OIT3: variants seen among roughly 807,000 people sequenced by gnomAD.
OIT3 encodes oncoprotein-induced transcript 3 protein.
OIT3 carries 41 observed loss-of-function variants against 52.2 expected under a neutral mutation model. The ratio of observed to expected loss-of-function variants is 0.79; its 90% CI spans 0.61 to 1.02. OIT3 has a LOEUF of 1.02. Among genes scored for constraint, OIT3 ranks in the 50% least tolerant of loss-of-function variants. The probability of loss-of-function intolerance (pLI) is 0.00; values close to 1 mark genes in which losing one functional copy is unlikely to be tolerated. For missense variants in OIT3, 634 were observed against 715.5 expected, an observed-to-expected ratio of 0.89 and a Z score of 1.30; for synonymous variants, 244 against 276.9, an observed-to-expected ratio of 0.88 and a Z score of 1.18.
At chr10:72,913,176 T>C (rs1348531782) in intron 5 of OIT3, 132 bp from the exon 6 acceptor site, 1 of 632,282 alleles carries the variant, frequency 1.6e-6, no homozygotes, top group Non-Finnish European at 2.7e-6. Context: ...CACCAACTTG[T>C]TTTCAGCCCC....
chr10:72,906,605 A>T lies in OIT3; in HGVS notation c.554A>T (p.Glu185Val). 6.2e-7 allele frequency: 1 copy of T among 1,613,976 alleles called. No homozygotes were observed. Among genetic ancestry groups the T allele is most frequent in the Middle Eastern group, 1.7e-4 (1 of 6,060 alleles). The part of the protein sequence containing the change: ...PDRQTCFDEN[E>V]CEQNNGGCSE... ...GGTTTCTCTTCTGCAGATGAAAATG[A>T]ATGTGAGCAAAACAACGGTGGCTGC... Residue 185 changes from glutamate to valine, a missense_variant, in exon 4 of 9, where the codon GAA (glutamate) becomes GTA (valine). Physicochemically the swap from Glu to Val is moderately radical, Grantham distance 121 (BLOSUM62 -2). Transcript: ENST00000334011.
chr10:72,910,909 A>G (rs979945997), intron 4 of OIT3, among the ~76,000 whole-genome samples: 2 of 152,192 alleles, frequency 1.3e-5, no homozygotes, highest in African/African-American at 2.4e-5. Flanking sequence ...ATAAAACTTT[A>G]TTTGTAATAA....
intron 3 of OIT3, among the ~76,000 whole-genome samples, chr10:72,905,711 G>A (rs577181450): frequency 2.4e-4 from 36 of 152,302 alleles, no homozygotes; most frequent in African/African-American, 8.2e-4. Context: ...TCCATTGCTT[G>A]TGAAGGCTTT....
Position 72,899,025 on chromosome 10 carries a change from C to T in OIT3, c.423C>T (p.His141=), listed in dbSNP as rs763337677. 20 of 1,607,744 alleles carry T rather than the reference C, an allele frequency of 1.2e-5. No individual in the cohort carries two copies. Among genetic ancestry groups the T allele is most frequent in the Admixed American group, 8.4e-5 (5 of 59,774 alleles). Residue 141 remains histidine (H), a synonymous_variant, in exon 2 of 9, where the codon CAC becomes CAT. Transcript: ENST00000334011. The part of the protein sequence containing the change: ...YRLTKPSVCF[H]VYCGHFYDIC... ...TGACCAAGCCCAGCGTCTGCTTCCA[C>T]GTCTACTGTGGTCGTGAGTACCTTC...
intron 1 of OIT3, among the ~76,000 whole-genome samples, chr10:72,895,584 G>T (rs1018150628): frequency 4.6e-5 from 7 of 152,220 alleles, no homozygotes; most frequent in Admixed American, 4.6e-4. Flanking sequence ...GAGCAGGAAA[G>T]GAGGGGCACT....
At position 72,899,000 on chromosome 10, in the gene OIT3, T is replaced by G. The variant is rs768944375; in HGVS notation, c.398T>G (p.Leu133Arg). ...ACPGGYYVYR[L>R]TKPSVCFHVY... ...CCTGGAGGCTACTATGTGTATCGTC[T>G]GACCAAGCCCAGCGTCTGCTTCCAC... Residue 133 changes from leucine to arginine, a missense_variant, in exon 2 of 9, where the codon CTG becomes CGG. Transcript: ENST00000334011. 1.9e-6 allele frequency: 3 copies of G among 1,613,036 alleles called. No homozygotes were observed. The East Asian group carries it at 6.7e-5, about 36-fold the overall frequency.
chr10:72,917,788 C>T, intron 6 of OIT3: 2 of 1,451,930 alleles, frequency 1.4e-6, no homozygotes. Context: ...TTAATGTCTT[C>T]TACAGAACTA....
At chr10:72,900,655 C>T (rs1208049350) in intron 3 of OIT3, among the ~76,000 whole-genome samples, 171 bp downstream of exon 3, 2 of 152,152 alleles carry the variant, frequency 1.3e-5, no homozygotes. Flanking sequence ...AAATTTGTAT[C>T]ATGATTAGGG....
chr10:72,912,983 ATTGTGT>A (rs1258854218), intron 5 of OIT3, among the ~76,000 whole-genome samples: 3 of 152,160 alleles, frequency 2.0e-5, no homozygotes, highest in African/African-American at 7.2e-5. Flanking sequence ...TTGCTAATAA[ATTGTGT>A]TTGTGCTGAA....
At chr10:72,922,473 C>T (rs1846130072) in intron 6 of OIT3, among the ~76,000 whole-genome samples, 2 of 151,962 alleles carry the variant, frequency 1.3e-5, no homozygotes, top group Admixed American at 6.6e-5. Flanking sequence ...ATCAATTCTG[C>T]TTTTAATACT....
chr10:72,924,884 G>A (rs1846155276), intron 7 of OIT3, among the ~76,000 whole-genome samples: 1 of 152,268 alleles, frequency 6.6e-6, no homozygotes, highest in African/African-American at 2.4e-5. Context: ...GCCAAGGCGG[G>A]TGGATCACCT....
chr10:72,903,315 T>A (rs999035808), intron 3 of OIT3, among the ~76,000 whole-genome samples: 38 of 152,106 alleles, frequency 2.5e-4, no homozygotes, highest in African/African-American at 8.9e-4. Context: ...AACCTCCACC[T>A]CCCAGGTTCA....
intron 5 of OIT3, among the ~76,000 whole-genome samples, 195 bp downstream of exon 5, chr10:72,912,034 A>C (rs1174392454): frequency 6.6e-6 from 1 of 152,086 alleles, no homozygotes; most frequent in Non-Finnish European, 1.5e-5. Context: ...ATTACCAAAA[A>C]CTTAACTTTC....
chr10:72,901,928 G>A (rs777536011), intron 3 of OIT3, among the ~76,000 whole-genome samples: 5 of 152,130 alleles, frequency 3.3e-5, no homozygotes, highest in African/African-American at 7.2e-5. Flanking sequence ...CAAAGTAGCT[G>A]TAGTCTCAGC....
At chr10:72,913,592 T>C in intron 6 of OIT3, 124 bp downstream of exon 6, 1 of 813,746 alleles carries the variant, frequency 1.2e-6, no homozygotes, top group Non-Finnish European at 2.1e-6. Flanking sequence ...AGAACTGAGC[T>C]CAAAACATCT....
chr10:72,898,120 C>CAAAA (rs59034984), intron 1 of OIT3, among the ~76,000 whole-genome samples: 1 of 132,594 alleles, frequency 7.5e-6, no homozygotes, highest in South Asian at 2.4e-4. Flanking sequence ...CTATCTCTAC[C>CAAAA]AAAAAAAAAA....
At position 72,897,289 on chromosome 10, in the gene OIT3, G is replaced by A. The variant is rs1205409246; in HGVS notation, c.62-1375G>A. On this transcript the variant is annotated intron_variant, in intron 1 of 8. Coordinates refer to ENST00000334011, the MANE Select transcript of OIT3 (RefSeq NM_152635.3). Reference sequence around the variant, plus strand: ...TCCACCCGCCTCGGCCCCCCAAAGTGCTGGGATTACAGGTGTGAGCCACTG... The same window carrying A: ...TCCACCCGCCTCGGCCCCCCAAAGTACTGGGATTACAGGTGTGAGCCACTG... 2.6e-5 allele frequency among the ~76,000 whole-genome samples: 4 copies of A among 152,300 alleles called. No individual in the cohort carries two copies. In the East Asian group the frequency reaches 7.7e-4, roughly 29 times the overall value.
intron 3 of OIT3, among the ~76,000 whole-genome samples, chr10:72,904,967 G>C (rs925187098): frequency 3.9e-5 from 6 of 152,204 alleles, no homozygotes; most frequent in Non-Finnish European, 8.8e-5. Flanking sequence ...GGAAGGTGAA[G>C]GGTGCTGGCA....
Position 72,895,897 on chromosome 10 carries a change from C to T in OIT3, c.61+2038C>T, listed in dbSNP as rs117772584. ...GGATGAATGTGCGCAATACCAGATT[C>T]TGGGCTTCACGCTGAGATTAAAAAC... On this transcript the variant is annotated intron_variant, in intron 1 of 8. Transcript: ENST00000334011. Among the ~76,000 whole-genome samples the T allele has an allele frequency of 8.7e-3, 1,329 of 152,262 alleles. 7 individuals are homozygous for T. Among genetic ancestry groups the T allele is most frequent in the Non-Finnish European group, 0.015 (1,036 of 68,016 alleles).
Sources: allele counts gnomAD v4.1 joint callset (sites outside exome capture counted in the v4.1 genomes callset), GRCh38; gene constraint gnomAD v4.1.1; transcripts MANE v1.5; gene names NCBI Gene and HGNC (gene_info 2026-07-23, HGNC 2026-07-21).